Variants in SH3RF3 observed in about 807,000 individuals in gnomAD.
SH3RF3 encodes E3 ubiquitin-protein ligase SH3RF3.
A neutral mutation model predicts 66.3 loss-of-function variants in SH3RF3; 29 were observed. The observed-to-expected ratio is 0.44, with a 90% CI of 0.33 to 0.60. The LOEUF (loss-of-function observed/expected upper bound fraction) is 0.60. SH3RF3 is among the 20% of genes least tolerant of loss of function. SH3RF3 has a pLI of 0.04. For synonymous variants in SH3RF3, 583 were observed against 532.0 expected, an observed-to-expected ratio of 1.10 and a Z score of -1.32; for missense variants, 1,194 against 1,190.9, an observed-to-expected ratio of 1.00 and a Z score of -0.04.
At chr2:109,162,418 A>T (rs987295504) in intron 1 of SH3RF3, among the ~76,000 whole-genome samples, 4 of 151,860 alleles carry the variant, frequency 2.6e-5, no homozygotes, top group Non-Finnish European at 1.5e-5. Context: ...TTTATTTTTA[A>T]TTTTTTTTAT....
chr2:109,391,588 A>C (rs1035942373), intron 3 of SH3RF3, among the ~76,000 whole-genome samples: 1 of 152,206 alleles, frequency 6.6e-6, no homozygotes, highest in African/African-American at 2.4e-5. Context: ...GTGTGTGGCC[A>C]CGGCTTGTGG....
At chr2:109,455,365 G>A (rs1292730080) in intron 8 of SH3RF3, among the ~76,000 whole-genome samples, 1 of 152,280 alleles carries the variant, frequency 6.6e-6, no homozygotes, top group East Asian at 1.9e-4. Flanking sequence ...GTGGATGACC[G>A]ACATAATCAA....
At position 109,351,946 on chromosome 2, in the gene SH3RF3, T is replaced by C. The variant is rs554281140; in HGVS notation, c.849+3997T>C. Among the ~76,000 whole-genome samples the C allele has an allele frequency of 3.3e-5, 5 of 152,376 alleles. No homozygotes were observed. In the East Asian group the frequency reaches 9.6e-4, roughly 29 times the overall value. ...CCTTTGTGAATTAACCTAGCATTAA[T>C]TCCAAACTCTGCTCCTCTGATCCTA... On this transcript the variant is annotated intron_variant, in intron 2 of 9. Transcript: ENST00000309415.
chr2:109,334,358 T>TTAA (rs1682357241), intron 1 of SH3RF3, among the ~76,000 whole-genome samples: 1 of 126,120 alleles, frequency 7.9e-6, no homozygotes, highest in Non-Finnish European at 1.6e-5. Context: ...TTTTTTCCTT[T>TTAA]AAAAAAAAAA....
At chr2:109,402,087 T>C (rs756862942) in intron 4 of SH3RF3, among the ~76,000 whole-genome samples, 10 of 152,228 alleles carry the variant, frequency 6.6e-5, no homozygotes, top group Non-Finnish European at 1.0e-4. Flanking sequence ...GGGCACCTGG[T>C]GCAGGTGTGA....
intron 4 of SH3RF3, among the ~76,000 whole-genome samples, chr2:109,400,539 GCACA>G (rs1051573459): frequency 6.6e-6 from 1 of 150,658 alleles, no homozygotes; most frequent in Non-Finnish European, 1.5e-5. Flanking sequence ...AGATACACAT[GCACA>G]CACACGTACG....
At position 109,184,683 on chromosome 2, in the gene SH3RF3, C is replaced by T. The variant is rs370625937; in HGVS notation, c.573+54570C>T. 1.9e-4 allele frequency among the ~76,000 whole-genome samples: 29 copies of T among 152,322 alleles called. No homozygotes were observed. In the South Asian group the frequency reaches 5.8e-3, roughly 30 times the overall value. On this transcript the variant is annotated intron_variant, in intron 1 of 9. Transcript: ENST00000309415. ...CCAGCCCACACTGGGCTGCCTGCTT[C>T]CCCCTGCCACCAGGAAGCAGCCTCT...
intron 1 of SH3RF3, among the ~76,000 whole-genome samples, chr2:109,176,310 A>G (rs531883306): frequency 2.6e-5 from 4 of 152,368 alleles, no homozygotes; most frequent in South Asian, 2.1e-4. Context: ...AGGTTATTTC[A>G]TTGAGGGCTG....
chr2:109,437,031 C>T lies in SH3RF3; in HGVS notation c.1713C>T (p.Pro571=). Residue 571 remains proline, a synonymous_variant, in exon 7 of 10, where the codon CCC becomes CCT. Coordinates refer to ENST00000309415, the MANE Select transcript of SH3RF3 (RefSeq NM_001099289.3). ...SLATATRPAL[P]ITTPQAHAQH... ...CCACTGCCACCAGGCCCGCCCTGCCCATCACCACTCCCCAGGCCCACGCCC... is the reference window on the plus strand; with the variant it reads ...CCACTGCCACCAGGCCCGCCCTGCCTATCACCACTCCCCAGGCCCACGCCC... The T allele has an allele frequency of 6.2e-7, 1 of 1,613,886 alleles. No individual in the cohort carries two copies. Among genetic ancestry groups the T allele is most frequent in the South Asian group, 1.1e-5 (1 of 91,082 alleles).
intron 1 of SH3RF3, among the ~76,000 whole-genome samples, chr2:109,137,562 C>T (rs779575976): frequency 2.0e-5 from 3 of 152,218 alleles, no homozygotes; most frequent in Non-Finnish European, 4.4e-5. Context: ...CATCAAAGCA[C>T]ACCACCTTAG....
chr2:109,147,293 C>G (rs934214437), intron 1 of SH3RF3, among the ~76,000 whole-genome samples: 2 of 151,814 alleles, frequency 1.3e-5, no homozygotes, highest in Non-Finnish European at 2.9e-5. Flanking sequence ...TGGTGCTGCT[C>G]TCTCTCTATC....
intron 6 of SH3RF3, among the ~76,000 whole-genome samples, chr2:109,436,240 T>TATTTCACATCGCTGCCTC (rs1677393874): frequency 6.6e-6 from 1 of 152,184 alleles, no homozygotes; most frequent in Admixed American, 6.5e-5. Flanking sequence ...AACTCTGCCA[T>TATTTCACATCGCTGCCTC]ATTTCACATC....
Position 109,420,512 on chromosome 2 carries a change from C to T in SH3RF3, c.1403+870C>T, listed in dbSNP as rs181017584. Among the ~76,000 whole-genome samples, 456 of 152,246 alleles carry T rather than the reference C, an allele frequency of 3.0e-3. 7 individuals carry two copies. Among genetic ancestry groups the T allele is most frequent in the Non-Finnish European group, 1.1e-3 (75 of 68,024 alleles). ...CCAGGCTGGAGTGCAATGGCGCGATCCCGGCTCACTGCAAGCTCCGCCCCC... is the reference window on the plus strand; with the variant it reads ...CCAGGCTGGAGTGCAATGGCGCGATTCCGGCTCACTGCAAGCTCCGCCCCC... On this transcript the variant is annotated intron_variant, in intron 5 of 9. Transcript: ENST00000309415.
chr2:109,436,630 G>T (rs920181348), intron 6 of SH3RF3, among the ~76,000 whole-genome samples: 2 of 152,238 alleles, frequency 1.3e-5, no homozygotes, highest in Admixed American at 1.3e-4. Flanking sequence ...TGGTATAAAA[G>T]ATTTCGTTCA....
At chr2:109,383,844 G>T (rs554622950) in intron 3 of SH3RF3, among the ~76,000 whole-genome samples, 2 of 152,314 alleles carry the variant, frequency 1.3e-5, no homozygotes, top group South Asian at 2.1e-4. Flanking sequence ...TCAGTGATCA[G>T]TCCGTCCTTA....
intron 8 of SH3RF3, among the ~76,000 whole-genome samples, chr2:109,469,715 G>A (rs943869577): frequency 6.6e-6 from 1 of 152,198 alleles, no homozygotes; most frequent in Non-Finnish European, 1.5e-5. Context: ...AAGTCTGGCA[G>A]AACGCTGAAA....
intron 1 of SH3RF3, among the ~76,000 whole-genome samples, chr2:109,227,775 T>C (rs1679405188): frequency 6.6e-6 from 1 of 152,178 alleles, no homozygotes; most frequent in Admixed American, 6.5e-5. Flanking sequence ...TCTGGGTAGG[T>C]CACCCCCCAG....
chr2:109,253,722 G>C (rs1305898194), intron 1 of SH3RF3, among the ~76,000 whole-genome samples: 3 of 152,112 alleles, frequency 2.0e-5, no homozygotes, highest in African/African-American at 7.2e-5. Flanking sequence ...AATAGAACAG[G>C]TGGTTATTAA....
At chr2:109,147,974 G>A (rs1485948351) in intron 1 of SH3RF3, among the ~76,000 whole-genome samples, 1 of 152,126 alleles carries the variant, frequency 6.6e-6, no homozygotes, top group Admixed American at 6.5e-5. Flanking sequence ...ATCTTTACAG[G>A]TTTGCTTAAG....
Sources: allele counts gnomAD v4.1 joint callset (sites outside exome capture counted in the v4.1 genomes callset), GRCh38; gene constraint gnomAD v4.1.1; transcripts MANE v1.5; gene names NCBI Gene and HGNC (gene_info 2026-07-23, HGNC 2026-07-21).